TAFA1: variants seen among roughly 807,000 people sequenced by gnomAD.
TAFA1 encodes the protein chemokine-like protein TAFA-1.
In TAFA1, 4 loss-of-function variants were observed where a neutral mutation model predicts 18.5. The ratio of observed to expected loss-of-function variants is 0.22; its 90% CI spans 0.11 to 0.49. The LOEUF is 0.49. Ranked by LOEUF, TAFA1 falls within the 20% of genes least tolerant of loss-of-function variation. TAFA1 has a pLI of 0.98. For missense variants in TAFA1, 147 were observed against 169.0 expected (o/e 0.87, Z 0.72); for synonymous variants, 56 against 55.2 (o/e 1.01, Z -0.06).
chr3:68,013,259 A>G (rs1474975869), intron 2 of TAFA1, among the ~76,000 whole-genome samples: 2 of 152,076 alleles, frequency 1.3e-5, no homozygotes, highest in Non-Finnish European at 2.9e-5. Context: ...GTGTGTGTGT[A>G]CATATGGATG....
Position 68,014,368 on chromosome 3 carries a change from G to A in TAFA1, c.118+7624G>A, listed in dbSNP as rs377198362. Among the ~76,000 whole-genome samples the A allele has an allele frequency of 2.0e-5, 3 of 152,200 alleles. No homozygotes were observed. In the East Asian group the frequency reaches 5.8e-4, roughly 29 times the overall value. ...TTGATCATCCTAGCTTTAGCCGAGT[G>A]AGAACTTTACATTCTTTAAAATTCA... On this transcript the variant is annotated intron_variant, in intron 2 of 4. Coordinates refer to ENST00000478136, the MANE Select transcript of TAFA1 (RefSeq NM_213609.4).
chr3:67,998,505 T>C, the TAFA1 span, among the ~76,000 whole-genome samples: 1 of 152,166 alleles, frequency 6.6e-6, no homozygotes, highest in African/African-American at 2.4e-5. Context: ...TTCCCCCTGG[T>C]CAAGGTCACT....
At chr3:68,468,594 C>A (rs904306791) in intron 3 of TAFA1, among the ~76,000 whole-genome samples, 3 of 152,194 alleles carry the variant, frequency 2.0e-5, no homozygotes, top group Non-Finnish European at 4.4e-5. Context: ...ACACTGACCA[C>A]TTGTTACCCC....
chr3:68,308,020 T>C (rs2068451504), intron 2 of TAFA1, among the ~76,000 whole-genome samples: 1 of 152,160 alleles, frequency 6.6e-6, no homozygotes, highest in Non-Finnish European at 1.5e-5. Context: ...AATAAATATG[T>C]GTAATCACTC....
intron 3 of TAFA1, among the ~76,000 whole-genome samples, chr3:68,487,683 T>C (rs563295986): frequency 2.1e-5 from 3 of 140,930 alleles, no homozygotes; most frequent in African/African-American, 8.1e-5. Flanking sequence ...ACCTGGGAGG[T>C]GGAGCTTGCA....
At chr3:68,307,884 G>T (rs2068448059) in intron 2 of TAFA1, among the ~76,000 whole-genome samples, 1 of 152,112 alleles carries the variant, frequency 6.6e-6, no homozygotes, top group Non-Finnish European at 1.5e-5. Flanking sequence ...CAGTGTGCAA[G>T]AGACTCATAA....
intron 2 of TAFA1, among the ~76,000 whole-genome samples, chr3:68,329,980 A>G (rs542196701): frequency 6.6e-6 from 1 of 151,442 alleles, no homozygotes; most frequent in Admixed American, 6.6e-5. Context: ...GTACATGCAT[A>G]CACATTGGAT....
At chr3:68,100,868 C>T (rs982430618) in intron 2 of TAFA1, among the ~76,000 whole-genome samples, 23 of 152,162 alleles carry the variant, frequency 1.5e-4, no homozygotes, top group Middle Eastern at 6.8e-3. Flanking sequence ...CGTGATATAG[C>T]CATCAGCAGG....
At chr3:68,090,523 C>T (rs1323574149) in intron 2 of TAFA1, among the ~76,000 whole-genome samples, 1 of 152,172 alleles carries the variant, frequency 6.6e-6, no homozygotes, top group Non-Finnish European at 1.5e-5. Flanking sequence ...TGTTGTTCCC[C>T]TCCACCTGTG....
rs111577107 is a variant in TAFA1, at chr3:68,534,286, C to G, written c.260-4470C>G. Among the ~76,000 whole-genome samples the G allele has an allele frequency of 1.8e-4, 28 of 152,296 alleles. 1 individual carries two copies. The highest frequency in any genetic ancestry group is 6.5e-4 in the African/African-American group (27 of 41,568). On this transcript the variant is annotated intron_variant, in intron 3 of 4. Transcript: ENST00000478136. The stretch of plus-strand genomic sequence containing the variant: ...CATCTGCATAACAGGACCACCTTTG[C>G]TAGCCAAATTTCTCTTCGCCTTCTT...
chr3:68,075,426 C>A (rs978565353), intron 2 of TAFA1, among the ~76,000 whole-genome samples: 10 of 152,138 alleles, frequency 6.6e-5, no homozygotes, highest in Non-Finnish European at 1.0e-4. Flanking sequence ...TTACATTCAA[C>A]CCCACAAAGA....
rs1327162957 is a variant in TAFA1 at position 68,507,181 on chromosome 3, G to A, written c.260-31575G>A. Among the ~76,000 whole-genome samples, 4 of 152,126 alleles carry A rather than the reference G, an allele frequency of 2.6e-5. No individual in the cohort carries two copies. The East Asian group carries it at 7.8e-4, about 30-fold the overall frequency. ...CTGGATTAGAACTTGAATTAAACCT[G>A]CTGGCCAGCCCTTGGATAGCCAGTT... On this transcript the variant is annotated intron_variant, in intron 3 of 4. Transcript: ENST00000478136.
At chr3:68,001,392 C>A (rs1704282073), upstream of TAFA1, among the ~76,000 whole-genome samples, 1 of 152,118 alleles carries the variant, frequency 6.6e-6, no homozygotes. Context: ...ATCTTGTCTC[C>A]CATTTTCTTT....
intron 2 of TAFA1, among the ~76,000 whole-genome samples, chr3:68,121,790 G>C (rs560898509): frequency 6.6e-4 from 100 of 152,246 alleles, no homozygotes; most frequent in African/African-American, 2.3e-3. Flanking sequence ...TGAATTCAAA[G>C]AGGGGTGTCC....
intron 2 of TAFA1, among the ~76,000 whole-genome samples, chr3:68,369,815 A>G (rs7629408): frequency 0.11 from 16,577 of 152,190 alleles, 1,128 homozygotes; most frequent in East Asian, 0.23. Flanking sequence ...ATTCTATTAG[A>G]AAAAAACCAG....
chr3:68,150,213 C>T (rs1575646575), intron 2 of TAFA1, among the ~76,000 whole-genome samples: 1 of 152,170 alleles, frequency 6.6e-6, no homozygotes, highest in African/African-American at 2.4e-5. Flanking sequence ...CACACACCTG[C>T]AGTTTCCTAA....
chr3:68,189,935 G>T (rs1254242841), intron 2 of TAFA1, among the ~76,000 whole-genome samples: 11 of 151,850 alleles, frequency 7.2e-5, no homozygotes, highest in Non-Finnish European at 1.5e-4. Context: ...AGTGAACTTT[G>T]AAGACCCAGT....
At chr3:68,415,676 T>C (rs1464200624) in intron 2 of TAFA1, among the ~76,000 whole-genome samples, 1 of 146,774 alleles carries the variant, frequency 6.8e-6, no homozygotes, top group Non-Finnish European at 1.5e-5. Flanking sequence ...TTATAGGAAG[T>C]ATATACAGAC....
intron 2 of TAFA1, among the ~76,000 whole-genome samples, chr3:68,297,911 T>C (rs1044086315): frequency 6.6e-6 from 1 of 152,228 alleles, no homozygotes; most frequent in African/African-American, 2.4e-5. Flanking sequence ...CATTTTCCAA[T>C]AGTGCTATAT....
Sources: allele counts gnomAD v4.1 joint callset (sites outside exome capture counted in the v4.1 genomes callset), GRCh38; gene constraint gnomAD v4.1.1; transcripts MANE v1.5; gene names NCBI Gene and HGNC (gene_info 2026-07-23, HGNC 2026-07-21).